Variants in SHCBP1L observed in about 807,000 individuals in gnomAD.
SHCBP1L encodes SHC binding and spindle associated 1 like.
In SHCBP1L, 67 loss-of-function variants were observed where a neutral mutation model predicts 62.5. The ratio of observed to expected loss-of-function variants is 1.07; its 90% CI spans 0.88 to 1.31. The LOEUF is 1.31. Among genes scored for constraint, SHCBP1L ranks in the 40% most tolerant of loss-of-function variants. The pLI is 0.00. For missense variants in SHCBP1L, 823 were observed against 809.8 expected (o/e 1.02, Z -0.20); for synonymous variants, 284 against 289.4 (o/e 0.98, Z 0.19).
chr1:182,910,898 G>A (rs554821156), intron 6 of SHCBP1L, among the ~76,000 whole-genome samples: 1 of 150,994 alleles, frequency 6.6e-6, no homozygotes, highest in Non-Finnish European at 1.5e-5. Flanking sequence ...TGTTGTTGTG[G>A]TTTTTTTTTG....
At chr1:182,930,144 A>G (rs61807504) in intron 5 of SHCBP1L, among the ~76,000 whole-genome samples, 5,024 of 152,250 alleles carry the variant, frequency 0.033, 122 homozygotes, top group Non-Finnish European at 0.046. Flanking sequence ...ATATTTTCGA[A>G]TATACATAAT....
intron 6 of SHCBP1L, among the ~76,000 whole-genome samples, chr1:182,921,703 C>A (rs1195027861): frequency 6.6e-6 from 1 of 152,110 alleles, no homozygotes; most frequent in Non-Finnish European, 1.5e-5. Context: ...GTCAGGAATT[C>A]GAGACCAGCT....
chr1:182,911,051 A>C (rs1650170946), intron 6 of SHCBP1L, among the ~76,000 whole-genome samples: 2 of 151,924 alleles, frequency 1.3e-5, no homozygotes, highest in South Asian at 4.2e-4. Context: ...CACTATGCCC[A>C]GCTAATTTCT....
At chr1:182,914,677 T>A in intron 6 of SHCBP1L, among the ~76,000 whole-genome samples, 1 of 150,550 alleles carries the variant, frequency 6.6e-6, no homozygotes, top group African/African-American at 2.4e-5. Context: ...AAAAAAATCA[T>A]AAAACACAAA....
At chr1:182,929,539 G>C in intron 6 of SHCBP1L, 108 bp downstream of exon 6, 1 of 589,666 alleles carries the variant, frequency 1.7e-6, no homozygotes, top group Non-Finnish European at 2.8e-6. Context: ...AGGTAGTTGA[G>C]AAAATAAGGC....
intron 6 of SHCBP1L, among the ~76,000 whole-genome samples, chr1:182,927,671 CAAA>C (rs1049517840): frequency 2.7e-5 from 2 of 72,816 alleles, no homozygotes; most frequent in Non-Finnish European, 3.2e-5. Flanking sequence ...GACTCCGTCT[CAAA>C]AAAAAAAAAA....
At chr1:182,907,671 C>T (rs924649738) in intron 6 of SHCBP1L, among the ~76,000 whole-genome samples, 5 of 151,664 alleles carry the variant, frequency 3.3e-5, no homozygotes, top group Admixed American at 2.6e-4. Flanking sequence ...TGCAACCTCC[C>T]GGGTTCAAGT....
chr1:182,904,684 C>T (rs1469389513), intron 7 of SHCBP1L, among the ~76,000 whole-genome samples: 2 of 152,062 alleles, frequency 1.3e-5, no homozygotes, highest in African/African-American at 4.8e-5. Flanking sequence ...GTTGGGACTA[C>T]AGGTGCATAG....
chr1:182,946,745 G>A (rs1473463545), intron 2 of SHCBP1L, among the ~76,000 whole-genome samples: 2 of 152,124 alleles, frequency 1.3e-5, no homozygotes, highest in South Asian at 2.1e-4. Flanking sequence ...TTTTGTTATA[G>A]TCCAACATGT....
At chr1:182,900,652 C>T (rs1002383604) in intron 9 of SHCBP1L, among the ~76,000 whole-genome samples, 3 of 152,150 alleles carry the variant, frequency 2.0e-5, no homozygotes, top group South Asian at 2.1e-4. Flanking sequence ...AGGCTGGTCT[C>T]GAGCTCCTGA....
intron 9 of SHCBP1L, among the ~76,000 whole-genome samples, 169 bp from the exon 10 acceptor site, chr1:182,900,403 T>C (rs576458101): frequency 1.3e-5 from 2 of 152,164 alleles, no homozygotes; most frequent in Non-Finnish European, 2.9e-5. Flanking sequence ...TGACACCAAC[T>C]AACGTAATAT....
At chr1:182,944,035 A>C (rs964424077) in intron 2 of SHCBP1L, among the ~76,000 whole-genome samples, 9 of 151,204 alleles carry the variant, frequency 6.0e-5, no homozygotes, top group Non-Finnish European at 8.8e-5. Context: ...GCAGGAGAAT[A>C]GCTTGAACCT....
At chr1:182,948,439 G>T (rs908999705) in intron 2 of SHCBP1L, among the ~76,000 whole-genome samples, 2 of 152,200 alleles carry the variant, frequency 1.3e-5, no homozygotes, top group African/African-American at 2.4e-5. Context: ...TTTTTAGCCT[G>T]CAGTGAAGCA....
chr1:182,914,605 A>G (rs1440659132), intron 6 of SHCBP1L, among the ~76,000 whole-genome samples: 1 of 152,218 alleles, frequency 6.6e-6, no homozygotes, highest in African/African-American at 2.4e-5. Flanking sequence ...ATAATCACCA[A>G]GAATATAACT....
At chr1:182,918,155 C>CACATATATACACACATATAT (rs1557994177) in intron 6 of SHCBP1L, among the ~76,000 whole-genome samples, 1 of 126,112 alleles carries the variant, frequency 7.9e-6, no homozygotes, top group East Asian at 2.5e-4. Flanking sequence ...CATATATATA[C>CACATATATACACACATATAT]ACATATATAT....
At chr1:182,939,095 C>T (rs1651268344) in intron 5 of SHCBP1L, 81 bp downstream of exon 5, 2 of 1,108,832 alleles carry the variant, frequency 1.8e-6, no homozygotes, top group South Asian at 1.5e-5. Context: ...TTAATCAGAA[C>T]ATATACCACA....
chr1:182,906,873 A>G (rs1281412012), intron 6 of SHCBP1L, among the ~76,000 whole-genome samples: 1 of 152,028 alleles, frequency 6.6e-6, no homozygotes, highest in Non-Finnish European at 1.5e-5. Context: ...GCTGGAGTGC[A>G]GTGGCACGAT....
intron 5 of SHCBP1L, among the ~76,000 whole-genome samples, chr1:182,938,728 C>T (rs148844614): frequency 6.6e-6 from 1 of 152,322 alleles, no homozygotes; most frequent in African/African-American, 2.4e-5. Context: ...CCTACCTTGT[C>T]CTCCCAAAGT....
chr1:182,905,973 C>T (rs1378359547), intron 6 of SHCBP1L, among the ~76,000 whole-genome samples: 1 of 152,120 alleles, frequency 6.6e-6, no homozygotes, highest in Non-Finnish European at 1.5e-5. Context: ...TTCGCTCTGT[C>T]GCCCAGGCTG....
Sources: gnomAD v4.1 joint callset for allele counts (sites outside exome capture counted in the v4.1 genomes callset) on GRCh38, gnomAD v4.1.1 for gene constraint, MANE v1.5 for transcripts, NCBI Gene and HGNC (gene_info 2026-07-23, HGNC 2026-07-21) for gene names.